The following CAMK2B variants were observed in gnomAD, a reference collection of about 807,000 sequenced individuals.
CAMK2B encodes the protein calcium/calmodulin-dependent protein kinase type II subunit beta.
CAMK2B carries 27 observed loss-of-function variants against 93.7 expected under a neutral mutation model. That is an observed-to-expected ratio of 0.29 (90% confidence interval 0.21 to 0.40). CAMK2B has a LOEUF of 0.40. CAMK2B is among the 10% of genes least tolerant of loss of function. The pLI is 1.00. For missense variants in CAMK2B, 568 were observed against 895.8 expected, an observed-to-expected ratio of 0.63 and a Z score of 4.67; for synonymous variants, 374 against 358.8, an observed-to-expected ratio of 1.04 and a Z score of -0.48.
intron 6 of CAMK2B, among the ~76,000 whole-genome samples, chr7:44,245,642 G>C (rs2096722765): frequency 6.6e-6 from 1 of 152,208 alleles, no homozygotes; most frequent in South Asian, 2.1e-4. Context: ...CCTGAGTGAG[G>C]CTGACTCAGG....
intron 1 of CAMK2B, 22 bp from the exon 2 acceptor site, chr7:44,284,247 C>A: frequency 6.6e-7 from 1 of 1,520,840 alleles, no homozygotes; most frequent in Non-Finnish European, 9.1e-7. Flanking sequence ...AATGGGGGAG[C>A]GAGAGACAGA....
chr7:44,323,417 G>C (rs954171277), intron 1 of CAMK2B, among the ~76,000 whole-genome samples: 2 of 152,224 alleles, frequency 1.3e-5, no homozygotes, highest in Non-Finnish European at 2.9e-5. Flanking sequence ...GCCCCACCTG[G>C]TCTCCACCTC....
intron 4 of CAMK2B, among the ~76,000 whole-genome samples, chr7:44,255,439 C>T (rs976825735): frequency 6.6e-6 from 1 of 152,190 alleles, no homozygotes; most frequent in Non-Finnish European, 1.5e-5. Context: ...ACACACTTAG[C>T]CTGCTTGAGT....
At chr7:44,265,599 G>A (rs990255992) in intron 2 of CAMK2B, among the ~76,000 whole-genome samples, 5 of 152,220 alleles carry the variant, frequency 3.3e-5, no homozygotes, top group Admixed American at 3.3e-4. Context: ...GCATTCTCCT[G>A]GGACACAGAT....
intron 1 of CAMK2B, among the ~76,000 whole-genome samples, chr7:44,294,361 G>A (rs1186937035): frequency 2.0e-5 from 3 of 152,104 alleles, no homozygotes; most frequent in Non-Finnish European, 4.4e-5. Context: ...AAAGGGCTAC[G>A]GAACAGACAG....
chr7:44,278,239 AG>A, intron 2 of CAMK2B, among the ~76,000 whole-genome samples: 1 of 152,254 alleles, frequency 6.6e-6, no homozygotes, highest in East Asian at 1.9e-4. Context: ...GGTATTCACG[AG>A]GGGTCCTCCG....
chr7:44,276,998 C>T (rs573827763), intron 2 of CAMK2B, among the ~76,000 whole-genome samples: 81 of 152,280 alleles, frequency 5.3e-4, no homozygotes, highest in African/African-American at 1.9e-3. Context: ...TTCCAGGGCA[C>T]GGACCCTGCA....
At chr7:44,309,842 C>T (rs1356042541) in intron 1 of CAMK2B, among the ~76,000 whole-genome samples, 2 of 152,060 alleles carry the variant, frequency 1.3e-5, no homozygotes, top group Admixed American at 1.3e-4. Flanking sequence ...CGTCCGTCCG[C>T]GCAGCCTTGC....
chr7:44,247,655 A>G (rs1310844905), intron 5 of CAMK2B, among the ~76,000 whole-genome samples: 1 of 151,948 alleles, frequency 6.6e-6, no homozygotes, highest in Non-Finnish European at 1.5e-5. Context: ...GGTGTGTGAG[A>G]AAGCCCCAGG....
intron 1 of CAMK2B, among the ~76,000 whole-genome samples, chr7:44,318,896 C>T (rs1163671661): frequency 6.6e-6 from 1 of 152,184 alleles, no homozygotes; most frequent in Admixed American, 6.5e-5. Flanking sequence ...AGGAACTGAG[C>T]CCTCAACAAG....
chr7:44,313,020 C>T (rs145779986), intron 1 of CAMK2B, among the ~76,000 whole-genome samples: 68 of 152,210 alleles, frequency 4.5e-4, no homozygotes, highest in African/African-American at 1.4e-3. Flanking sequence ...ACATTAATTT[C>T]CAGGGAGACA....
intron 4 of CAMK2B, among the ~76,000 whole-genome samples, chr7:44,256,062 C>A (rs2096830869): frequency 6.6e-6 from 1 of 152,156 alleles, no homozygotes; most frequent in East Asian, 1.9e-4. Flanking sequence ...TGTTCTGTGT[C>A]CCCGACCAGC....
chr7:44,240,333 A>T (rs1417164655), intron 12 of CAMK2B, among the ~76,000 whole-genome samples: 1 of 152,074 alleles, frequency 6.6e-6, no homozygotes, highest in Non-Finnish European at 1.5e-5. Flanking sequence ...CCTTCTGCCC[A>T]CCTCCCGCAC....
chr7:44,242,787 C>T (rs1016099773), intron 8 of CAMK2B, 133 bp from the exon 9 acceptor site: 1 of 655,944 alleles, frequency 1.5e-6, no homozygotes, highest in Non-Finnish European at 2.7e-6. Context: ...TCCTTTGCCC[C>T]CACCTGTGCA....
At chr7:44,232,590 T>G (rs1368344407) in intron 16 of CAMK2B, among the ~76,000 whole-genome samples, 1 of 152,166 alleles carries the variant, frequency 6.6e-6, no homozygotes, top group Non-Finnish European at 1.5e-5. Flanking sequence ...GTCGGCCACA[T>G]GGGGACCGGG....
At chr7:44,238,106 G>A (rs3757836) in intron 13 of CAMK2B, among the ~76,000 whole-genome samples, 12,392 of 152,286 alleles carry the variant, frequency 0.081, 620 homozygotes, top group African/African-American at 0.13. Context: ...GCTCACTGCC[G>A]TGTGATATGG....
chr7:44,250,489 C>T (rs2096769863), intron 5 of CAMK2B, among the ~76,000 whole-genome samples: 1 of 151,726 alleles, frequency 6.6e-6, no homozygotes, highest in African/African-American at 2.4e-5. Flanking sequence ...GTCAGCATTG[C>T]ACCAGGTCCC....
At chr7:44,226,099 C>A (rs759630564) in intron 20 of CAMK2B, among the ~76,000 whole-genome samples, 1 of 152,132 alleles carries the variant, frequency 6.6e-6, no homozygotes, top group Non-Finnish European at 1.5e-5. Context: ...TAGAGCGTCT[C>A]AGGCCGGGAC....
intron 2 of CAMK2B, among the ~76,000 whole-genome samples, chr7:44,276,679 A>G (rs1285046131): frequency 6.6e-6 from 1 of 152,088 alleles, no homozygotes; most frequent in Non-Finnish European, 1.5e-5. Context: ...CAGGAAGAGG[A>G]CAGTGGTGAT....
Sources: allele counts gnomAD v4.1 joint callset (sites outside exome capture counted in the v4.1 genomes callset), GRCh38; gene constraint gnomAD v4.1.1; transcripts MANE v1.5; gene names NCBI Gene and HGNC (gene_info 2026-07-23, HGNC 2026-07-21).